The following CHD9 variants were observed in gnomAD, a reference collection of about 807,000 sequenced individuals.
The protein encoded by CHD9 is chromodomain helicase DNA binding protein 9.
In CHD9, 77 loss-of-function variants were observed where a neutral mutation model predicts 316.1. The ratio of observed to expected loss-of-function variants is 0.24; its 90% confidence interval spans 0.20 to 0.29. The LOEUF is 0.29. Ranked by LOEUF, CHD9 falls within the 10% of genes least tolerant of loss-of-function variation. The pLI is 1.00. For synonymous variants in CHD9, 1,129 were observed against 1,158.3 expected (o/e 0.97, Z 0.51); for missense variants, 2,763 against 3,438.1 (o/e 0.80, Z 4.91).
rs554114332 is a variant in CHD9, at chr16:53,216,741, C to T, written c.1785-5903C>T. On this transcript the variant is annotated intron_variant, in intron 3 of 38. Transcript: ENST00000447540. ...GTTTTCTATACTAATTTTTACTCTC[C>T]GAGCCAGTGGTTCCCAAACCTGGTA... Among the ~76,000 whole-genome samples, 27 of 152,188 alleles carry T rather than the reference C, an allele frequency of 1.8e-4. 1 individual carries two copies. In the South Asian group the frequency reaches 2.5e-3, roughly 14 times the overall value.
At chr16:53,237,413 A>C (rs1193170003) in intron 11 of CHD9, among the ~76,000 whole-genome samples, 1 of 152,120 alleles carries the variant, frequency 6.6e-6, no homozygotes, top group African/African-American at 2.4e-5. Flanking sequence ...TAAAATACAA[A>C]CCTAATCTTA....
chr16:53,242,044 G>A (rs2049147096), intron 12 of CHD9, among the ~76,000 whole-genome samples: 1 of 152,028 alleles, frequency 6.6e-6, no homozygotes, highest in Non-Finnish European at 1.5e-5. Context: ...TTACCTTAGG[G>A]CCTTCATACT....
chr16:53,308,764 G>A lies in CHD9; in HGVS notation c.7132G>A (p.Gly2378Arg). 1 of 1,613,508 alleles carries A rather than the reference G, an allele frequency of 6.2e-7. No homozygotes were observed. Among genetic ancestry groups the A allele is most frequent in the Non-Finnish European group, 8.5e-7 (1 of 1,179,706 alleles). ...RPFDGEDGAL[G>R]QQQYLTRLRE... Reference sequence around the variant, plus strand: ...ATTTGATGGTGAAGACGGTGCTCTGGGGCAGCAGCAGTACCTCACTCGGCT... The same window carrying A: ...ATTTGATGGTGAAGACGGTGCTCTGAGGCAGCAGCAGTACCTCACTCGGCT... Residue 2378 changes from glycine (G) to arginine (R), a missense_variant, in exon 34 of 39, where the codon GGG becomes AGG. Physicochemically the swap from Gly to Arg is moderately radical, Grantham distance 125 (BLOSUM62 -2). Around this residue, in one of 15 missense-constraint regions of CHD9, gnomAD observed 663 missense variants for 751.2 expected, o/e 0.88. Coordinates refer to ENST00000447540, the MANE Select transcript of CHD9 (RefSeq NM_001308319.2).
Position 53,314,405 on chromosome 16 carries a change from C to T in CHD9, c.7251C>T (p.Ala2417=). The T allele has an allele frequency of 6.3e-7, 1 of 1,583,900 alleles. No homozygotes were observed. Among genetic ancestry groups the T allele is most frequent in the South Asian group, 1.2e-5 (1 of 85,854 alleles). Residue 2417 remains alanine, a synonymous_variant, in exon 35 of 39, where the codon GCC becomes GCT. Coordinates refer to ENST00000447540, the MANE Select transcript of CHD9 (RefSeq NM_001308319.2). ...CTTCCATTCAACCAACCCTTGGTGC[C>T]AATGGTGTGATATTAGACAACCAGC... ...SGTSIQPTLG[A]NGVILDNQPI...
chr16:53,274,824 C>T (rs910968113), intron 24 of CHD9, among the ~76,000 whole-genome samples: 3 of 152,082 alleles, frequency 2.0e-5, no homozygotes, highest in Non-Finnish European at 4.4e-5. Context: ...GTATGTTAGG[C>T]GGCTCCTTAG....
intron 1 of CHD9, among the ~76,000 whole-genome samples, chr16:53,069,532 C>G (rs1435359248): frequency 1.3e-5 from 2 of 152,134 alleles, no homozygotes; most frequent in Non-Finnish European, 2.9e-5. Context: ...AGTATTTATC[C>G]TTTAGTGACT....
chr16:53,148,720 T>G (rs2040844702), intron 1 of CHD9, among the ~76,000 whole-genome samples: 3 of 152,242 alleles, frequency 2.0e-5, no homozygotes. Flanking sequence ...TAGGAGTTCT[T>G]TAAAAATTCT....
chr16:53,217,912 TTTTC>T (rs138448097), intron 3 of CHD9, among the ~76,000 whole-genome samples: 6,146 of 144,118 alleles, frequency 0.043, 196 homozygotes, highest in African/African-American at 0.098. Flanking sequence ...GCTTATACTC[TTTTC>T]TTTCTTTCTT....
At chr16:53,307,127 T>C (rs905920833) in intron 32 of CHD9, among the ~76,000 whole-genome samples, 6 of 152,022 alleles carry the variant, frequency 3.9e-5, no homozygotes, top group African/African-American at 1.5e-4. Context: ...ATACTTACCT[T>C]TAAGAATGAG....
chr16:53,325,005 C>A lies in CHD9; in HGVS notation c.*110C>A. The A allele has an allele frequency of 1.1e-6, 1 of 936,922 alleles. No homozygotes were observed. The allele number at this position is 936,922 out of a possible 1,614,324, so 58.0% of individuals were successfully genotyped here. On this transcript the variant is annotated 3_prime_UTR_variant, in exon 39 of 39. Coordinates refer to ENST00000447540, the MANE Select transcript of CHD9 (RefSeq NM_001308319.2). Reference sequence around the variant, plus strand: ...TCAATAACTTACTGACCGAACATTTCAGTTATTTGTTTAGAAGTGCAAACT... The same window carrying A: ...TCAATAACTTACTGACCGAACATTTAAGTTATTTGTTTAGAAGTGCAAACT...
Position 53,321,405 on chromosome 16 carries a change from C to T in CHD9, c.7714-121C>T, listed in dbSNP as rs192643135. On this transcript the variant is annotated intron_variant, in intron 37 of 38. Transcript: ENST00000447540. ...CTTTTTAATATAATCATAAAGATTA[C>T]CTAAGGTGGTTCAAAAAATATGTAT... The T allele has an allele frequency of 1.9e-3, 2,618 of 1,389,348 alleles. 8 individuals carry two copies. Among genetic ancestry groups the T allele is most frequent in the Non-Finnish European group, 1.7e-3 (1,835 of 1,071,070 alleles). 86.1% of individuals were successfully genotyped at this position (1,389,348 alleles called of 1,614,324 possible). A position where few individuals can be genotyped will look rare whatever the true frequency, so the allele number is the denominator to read the frequency against.
At chr16:53,283,253 A>G (rs190792519) in intron 24 of CHD9, among the ~76,000 whole-genome samples, 1 of 152,340 alleles carries the variant, frequency 6.6e-6, no homozygotes, top group Non-Finnish European at 1.5e-5. Context: ...GGGCATGTGC[A>G]TGACTATCTT....
At chr16:53,306,857 G>A (rs1420548261) in intron 32 of CHD9, among the ~76,000 whole-genome samples, 1 of 151,942 alleles carries the variant, frequency 6.6e-6, no homozygotes, top group Non-Finnish European at 1.5e-5. Flanking sequence ...TCAGCTCACT[G>A]CAACCTCCGC....
At chr16:53,309,111 T>G (rs2056241089) in intron 34 of CHD9, among the ~76,000 whole-genome samples, 1 of 152,200 alleles carries the variant, frequency 6.6e-6, no homozygotes, top group Non-Finnish European at 1.5e-5. Context: ...AGTTGCCTCA[T>G]ACAGGTAAAA....
intron 1 of CHD9, among the ~76,000 whole-genome samples, chr16:53,107,588 C>T (rs2037472802): frequency 6.6e-6 from 1 of 151,528 alleles, no homozygotes; most frequent in Admixed American, 6.6e-5. Context: ...GAAGCTGAGA[C>T]AGGAGGATCA....
At chr16:53,273,881 G>A in intron 23 of CHD9, 96 bp downstream of exon 23, 1 of 1,139,990 alleles carries the variant, frequency 8.8e-7, no homozygotes. Flanking sequence ...TACAGAGACA[G>A]CATGGTCTAG....
chr16:53,214,757 A>G (rs926496983), intron 3 of CHD9, among the ~76,000 whole-genome samples: 1 of 152,222 alleles, frequency 6.6e-6, no homozygotes, highest in African/African-American at 2.4e-5. Context: ...TAGATGTACC[A>G]TATTTTATTG....
rs1393803268 is a variant in CHD9 at position 53,238,721 on chromosome 16, T to C, written c.2877+135T>C. ...ATCTTAGTTTAAGTTCTTTTATTCA[T>C]CATTTTTATTTTACAGTAAATTTGA... On this transcript the variant is annotated intron_variant, in intron 12 of 38. Coordinates refer to ENST00000447540, the MANE Select transcript of CHD9 (RefSeq NM_001308319.2). 9.8e-6 allele frequency: 9 copies of C among 921,590 alleles called. No individual in the cohort carries two copies. The Admixed American group carries it at 1.4e-4, about 15-fold the overall frequency. 57.1% of individuals were successfully genotyped at this position (921,590 alleles called of 1,614,324 possible).
Position 53,267,311 on chromosome 16 carries a change from C to A in CHD9, c.4338C>A (p.Asp1446Glu), listed in dbSNP as rs2051796358. 6.2e-7 allele frequency: 1 copy of A among 1,606,930 alleles called. No homozygotes were observed. The highest frequency in any genetic ancestry group is 8.5e-7 in the Non-Finnish European group (1 of 1,176,176). The change falls in exon 21 of 39, where the codon GAC becomes GAA. Residue 1446 changes from aspartate to glutamate, a missense_variant. Asp to Glu is a conservative substitution (Grantham distance 45). Transcript: ENST00000447540. ...TTTTACAGAACAGCTTGGTTATTGA[C>A]ACTCCAAGAATTAGGAAGCAAACAA... ...AISGRNSLVI[D>E]TPRIRKQTRP...
Sources: gnomAD v4.1 joint callset for allele counts (sites outside exome capture counted in the v4.1 genomes callset) on GRCh38, gnomAD v4.1.1 for gene constraint, gnomAD v4.1.1 regional missense constraint, MANE v1.5 for transcripts, NCBI Gene and HGNC (gene_info 2026-07-23, HGNC 2026-07-21) for gene names.